The following KIAA1210 variants were observed in gnomAD, a reference collection of about 807,000 sequenced individuals.
KIAA1210 encodes acrosomal protein KIAA1210.
Under a neutral mutation model 78.9 loss-of-function variants are expected in KIAA1210, and 48 were observed. The observed-to-expected ratio is 0.61, with a 90% CI of 0.48 to 0.77. The LOEUF is 0.77. Ranked by LOEUF, KIAA1210 falls within the 30% of genes least tolerant of loss-of-function variation. KIAA1210 has a pLI of 0.00. For missense variants in KIAA1210, 1,108 were observed against 1,100.0 expected (o/e 1.01, Z -0.10); for synonymous variants, 406 against 404.5 (o/e 1.00, Z -0.04).
chrX:119,142,654 G>A (rs946909520), intron 2 of KIAA1210, among the ~76,000 whole-genome samples: 2 of 107,199 alleles, frequency 1.9e-5, no homozygotes, highest in Non-Finnish European at 3.8e-5. Flanking sequence ...GTGCATGCCT[G>A]TAATCCCAGC....
At chrX:119,150,567 A>T in exon 1 of KIAA1210, 1 of 1,205,812 alleles carries the variant, frequency 8.3e-7, no homozygotes, top group African/African-American at 1.7e-5. Context: ...CGAGGCGTCC[A>T]GCCGGCCCTC....
intron 9 of KIAA1210, 64 bp downstream of exon 9, chrX:119,086,482 G>T (rs1927136575): frequency 3.9e-6 from 4 of 1,020,217 alleles, no homozygotes; most frequent in Non-Finnish European, 5.3e-6. Flanking sequence ...GCCCATTCAA[G>T]GCTTTGCTTT....
chrX:119,137,696 T>A (rs1045431292), intron 2 of KIAA1210, among the ~76,000 whole-genome samples: 8 of 112,474 alleles, frequency 7.1e-5, no homozygotes, highest in Non-Finnish European at 9.4e-5. Context: ...ACAATTTTTT[T>A]AAGCTCATCA....
chrX:119,094,431 T>C (rs994910966), intron 7 of KIAA1210, among the ~76,000 whole-genome samples: 10 of 112,372 alleles, frequency 8.9e-5, no homozygotes, highest in African/African-American at 2.6e-4. Flanking sequence ...ATTTGCTTAG[T>C]GTAAGCCTTT....
chrX:119,106,576 G>A (rs1329150043), intron 5 of KIAA1210, among the ~76,000 whole-genome samples: 1 of 112,152 alleles, frequency 8.9e-6, no homozygotes, highest in Non-Finnish European at 1.9e-5. Context: ...CCTTAAGAAG[G>A]GCTGAGGGAC....
chrX:119,112,867 A>C lies in KIAA1210; in HGVS notation c.230+3629T>G, dbSNP rs148154748. ...GTATATATCCCAGAGAAATAAAAAC[A>C]TATATCTGCCCCAAAACTTATACAC... On this transcript the variant is annotated intron_variant, in intron 3 of 11. Transcript: ENST00000691062. Among the ~76,000 whole-genome samples the C allele has an allele frequency of 3.7e-3, 419 of 112,045 alleles. 1 individual carries two copies. Among genetic ancestry groups the C allele is most frequent in the African/African-American group, 0.013 (395 of 30,913 alleles).
At chrX:119,110,471 C>G (rs749228224) in intron 3 of KIAA1210, among the ~76,000 whole-genome samples, 22 of 110,769 alleles carry the variant, frequency 2.0e-4, no homozygotes, top group Non-Finnish European at 3.0e-4. Context: ...GATTATAGAC[C>G]GGGAAATTAG....
chrX:119,111,394 G>A (rs1035037229), intron 3 of KIAA1210, among the ~76,000 whole-genome samples: 8 of 111,759 alleles, frequency 7.2e-5, no homozygotes, highest in African/African-American at 2.0e-4. Flanking sequence ...AGAAAATGTG[G>A]CACATATACA....
At chrX:119,086,516 G>C in intron 9 of KIAA1210, 30 bp downstream of exon 9, 1 of 1,138,470 alleles carries the variant, frequency 8.8e-7, no homozygotes. Flanking sequence ...CTTGATATCT[G>C]CTTGCCATCT....
intron 4 of KIAA1210, among the ~76,000 whole-genome samples, 173 bp from the exon 5 acceptor site, chrX:119,108,644 T>G (rs769620730): frequency 1.1e-4 from 12 of 110,088 alleles, no homozygotes; most frequent in Non-Finnish European, 1.9e-4. Flanking sequence ...GCGGGAGGGT[T>G]GCTTGGGCCC....
chrX:119,087,167 G>A lies in KIAA1210; in HGVS notation c.3535C>T (p.Pro1179Ser), dbSNP rs935668430. ...TTCTCACCGCTGCTCTGCTTTACAG[G>A]TACATTCACTGGGCCCTTTGATGAC... Reference protein sequence around the residue: ...QMSSKGPVNVPVKQSSGEKHL... With the variant: ...QMSSKGPVNVSVKQSSGEKHL... Residue 1179 changes from proline to serine, a missense_variant, in exon 9 of 12, where the codon CCT becomes TCT. Coordinates refer to ENST00000691062, the MANE Select transcript of KIAA1210 (RefSeq NM_001394962.1). 1 of 1,211,761 alleles carries A rather than the reference G, an allele frequency of 8.3e-7. No homozygotes were observed. Among genetic ancestry groups the A allele is most frequent in the African/African-American group, 1.7e-5 (1 of 57,855 alleles).
intron 1 of KIAA1210, among the ~76,000 whole-genome samples, chrX:119,150,117 G>C (rs1387109718): frequency 8.9e-6 from 1 of 112,180 alleles, no homozygotes; most frequent in African/African-American, 3.2e-5. Flanking sequence ...GCTTTACTTT[G>C]AGATGATGTT....
At chrX:119,102,471 T>C (rs1473163685) in intron 6 of KIAA1210, among the ~76,000 whole-genome samples, 1 of 110,374 alleles carries the variant, frequency 9.1e-6, no homozygotes, top group Non-Finnish European at 1.9e-5. Context: ...CTGGAGTTCC[T>C]AACCTCAAGT....
Position 119,083,112 on chromosome X carries a change from G to C in KIAA1210, c.4329C>G (p.Gly1443=). The C allele has an allele frequency of 1.7e-6, 2 of 1,193,399 alleles. No homozygotes were observed. The highest frequency in any genetic ancestry group is 3.5e-5 in the African/African-American group (2 of 57,149). ...TTTTAGGTTGGTTTTCATTTGCAGAGCCAGCTCCCTTTAATACAAAAATGA... is the reference window on the plus strand; with the variant it reads ...TTTTAGGTTGGTTTTCATTTGCAGACCCAGCTCCCTTTAATACAAAAATGA... ...ETKEPKYEGA[G]SANENQPKKM... is the part of the protein sequence containing the mutation. Residue 1443 remains glycine, a synonymous_variant, in exon 11 of 12, where the codon GGC becomes GGG. Coordinates refer to ENST00000691062, the MANE Select transcript of KIAA1210 (RefSeq NM_001394962.1).
upstream of KIAA1210, among the ~76,000 whole-genome samples, chrX:119,131,409 G>A (rs1396833268): frequency 9.0e-6 from 1 of 111,623 alleles, no homozygotes; most frequent in African/African-American, 3.3e-5. Flanking sequence ...AGAGGGGAGA[G>A]GATGGGAGGG....
upstream of KIAA1210, chrX:119,150,679 G>A (rs1307198151): frequency 4.5e-6 from 4 of 886,099 alleles, no homozygotes; most frequent in Non-Finnish European, 6.4e-6. Flanking sequence ...CCACTCACAC[G>A]CACACGCACA....
chrX:119,087,692 C>T lies in KIAA1210; in HGVS notation c.3010G>A (p.Glu1004Lys), dbSNP rs765659647. ...ATCGGTGATTTGTTAGAAGTGCCTT[C>T]AACAGCCATTTTCTCTAGTCGTGAG... ...MTSRLEKMAV[E>K]GTSNKSPIPR... Residue 1004 changes from glutamate (E) to lysine (K), a missense_variant, in exon 9 of 12, where the codon GAA becomes AAA. By Grantham distance (56) the Glu-to-Lys change is moderately conservative (BLOSUM62 1). Coordinates refer to ENST00000691062, the MANE Select transcript of KIAA1210 (RefSeq NM_001394962.1). The T allele has an allele frequency of 8.3e-7, 1 of 1,209,981 alleles. No homozygotes were observed. The highest frequency in any genetic ancestry group is 1.1e-6 in the Non-Finnish European group (1 of 895,226).
intron 3 of KIAA1210, 98 bp downstream of exon 3, chrX:119,116,398 C>T (rs1270862416): frequency 1.1e-6 from 1 of 872,978 alleles, no homozygotes; most frequent in African/African-American, 2.0e-5. Context: ...GGTGGGGACT[C>T]TTGGTGTCCC....
rs199658448 is a variant in KIAA1210, at chrX:119,088,412, C to T, written c.2290G>A (p.Asp764Asn). ...SSVGTSIKQSDSVEPIPPRHP... is the reference protein window; with the variant it reads ...SSVGTSIKQSNSVEPIPPRHP... ...CTTGGAGGGATTGGCTCCACGGAATCGCTCTGTTTTATAGAAGTGCCCACT... is the reference window on the plus strand; with the variant it reads ...CTTGGAGGGATTGGCTCCACGGAATTGCTCTGTTTTATAGAAGTGCCCACT... The change falls in exon 9 of 12, where the codon GAT becomes AAT. Residue 764 changes from aspartate to asparagine, a missense_variant. Around this residue, in one of 5 missense-constraint regions of KIAA1210, gnomAD observed 672 missense variants for 607.1 expected, o/e 1.11. Transcript: ENST00000691062. The T allele has an allele frequency of 2.4e-4, 290 of 1,209,361 alleles. No individual in the cohort carries two copies. The highest frequency in any genetic ancestry group is 3.1e-4 in the Non-Finnish European group (273 of 895,038).
Sources: allele counts gnomAD v4.1 joint callset (sites outside exome capture counted in the v4.1 genomes callset), GRCh38; gene constraint gnomAD v4.1.1; regional missense constraint gnomAD v4.1.1; transcripts MANE v1.5; gene names NCBI Gene and HGNC (gene_info 2026-07-23, HGNC 2026-07-21).